Variants in SPIRE1 observed in about 807,000 individuals in gnomAD.
The protein encoded by SPIRE1 is spire type actin nucleation factor 1.
A neutral mutation model predicts 94.1 loss-of-function variants in SPIRE1; 40 were observed. That is an observed-to-expected ratio of 0.43 (90% CI 0.33 to 0.55). SPIRE1 has a LOEUF of 0.55. Ranked by LOEUF, SPIRE1 falls within the 20% of genes least tolerant of loss-of-function variation. The probability of loss-of-function intolerance (pLI) is 0.06; values close to 1 mark genes in which losing one functional copy is unlikely to be tolerated. For synonymous variants in SPIRE1, 376 were observed against 371.7 expected (o/e 1.01, Z -0.13); for missense variants, 838 against 975.2 (o/e 0.86, Z 1.87).
chr18:12,489,045 G>A (rs574483728), intron 8 of SPIRE1, among the ~76,000 whole-genome samples: 4 of 152,156 alleles, frequency 2.6e-5, no homozygotes, highest in East Asian at 1.9e-4. Flanking sequence ...AAAATTAGCC[G>A]GGCTTGGTGG....
At chr18:12,576,224 G>A (rs2036091486) in intron 2 of SPIRE1, among the ~76,000 whole-genome samples, 1 of 151,420 alleles carries the variant, frequency 6.6e-6, no homozygotes, top group Non-Finnish European at 1.5e-5. Context: ...AAAAGTATAT[G>A]GAAATGCAAA....
chr18:12,613,961 A>G (rs2037214376), intron 2 of SPIRE1, among the ~76,000 whole-genome samples: 1 of 151,280 alleles, frequency 6.6e-6, no homozygotes, highest in Non-Finnish European at 1.5e-5. Context: ...ACTGGGTTAG[A>G]TAAAATATAT....
At chr18:12,575,800 T>C (rs2036078892) in intron 2 of SPIRE1, among the ~76,000 whole-genome samples, 1 of 152,244 alleles carries the variant, frequency 6.6e-6, no homozygotes, top group South Asian at 2.1e-4. Context: ...AATTTATGGA[T>C]TGAAAGACTA....
intron 5 of SPIRE1, among the ~76,000 whole-genome samples, chr18:12,508,589 CT>C (rs1348515617): frequency 6.6e-6 from 1 of 152,008 alleles, no homozygotes; most frequent in East Asian, 1.9e-4. Context: ...AAAAGTCTCC[CT>C]TTGGGCTTTA....
chr18:12,501,725 C>T (rs772126549), intron 6 of SPIRE1, among the ~76,000 whole-genome samples: 1 of 152,142 alleles, frequency 6.6e-6, no homozygotes, highest in African/African-American at 2.4e-5. Flanking sequence ...CTTTGGAAGG[C>T]GGAGGTGAGA....
At chr18:12,620,775 C>A (rs1598543482) in intron 2 of SPIRE1, among the ~76,000 whole-genome samples, 1 of 152,060 alleles carries the variant, frequency 6.6e-6, no homozygotes. Context: ...CCAAACCCCA[C>A]AAGCAATAAA....
intron 2 of SPIRE1, among the ~76,000 whole-genome samples, chr18:12,611,900 C>T (rs1296383424): frequency 6.6e-6 from 1 of 151,838 alleles, no homozygotes; most frequent in Non-Finnish European, 1.5e-5. Context: ...TCTCAAACTC[C>T]TGAGCTCAAG....
At chr18:12,649,118 A>T (rs564344121) in intron 1 of SPIRE1, among the ~76,000 whole-genome samples, 15 of 152,222 alleles carry the variant, frequency 9.9e-5, no homozygotes, top group Admixed American at 8.5e-4. Context: ...ATTATCCCAA[A>T]ATAAAAAGTT....
intron 12 of SPIRE1, among the ~76,000 whole-genome samples, chr18:12,457,032 T>G (rs2031538121): frequency 6.6e-6 from 1 of 152,154 alleles, no homozygotes; most frequent in Non-Finnish European, 1.5e-5. Context: ...GGGTTCGCCA[T>G]GTTGGCCAGG....
At position 12,638,344 on chromosome 18, in the gene SPIRE1, T is replaced by C. The variant is rs182364213; in HGVS notation, c.338-3248A>G. ...CTGTAGTCCCAGCTACTCAGGAAGCTGAGGAAGGAGGATCACTTGAGCCCA... is the reference window on the plus strand; with the variant it reads ...CTGTAGTCCCAGCTACTCAGGAAGCCGAGGAAGGAGGATCACTTGAGCCCA... On this transcript the variant is annotated intron_variant, in intron 1 of 16. Transcript: ENST00000409402. Among the ~76,000 whole-genome samples, 67 of 152,304 alleles carry C rather than the reference T, an allele frequency of 4.4e-4. No individual in the cohort carries two copies. In the East Asian group the frequency reaches 0.011, roughly 24 times the overall value.
chr18:12,567,863 A>T (rs1290483549), intron 2 of SPIRE1, among the ~76,000 whole-genome samples: 1 of 152,216 alleles, frequency 6.6e-6, no homozygotes, highest in Non-Finnish European at 1.5e-5. Flanking sequence ...CAAATCAAGT[A>T]AGAATTTACT....
chr18:12,522,974 CT>C (rs1442856209), intron 4 of SPIRE1, among the ~76,000 whole-genome samples: 1 of 152,158 alleles, frequency 6.6e-6, no homozygotes. Flanking sequence ...TATTTAAGAA[CT>C]ACATTTTGTA....
At position 12,556,905 on chromosome 18, in the gene SPIRE1, T is replaced by G. The variant is rs1273006057; in HGVS notation, c.373-10001A>C. ...GCTTGGGCAGCCTGCTTTTATTCCC[T>G]TATCCGACCCCACCCATATCCTGCT... is the stretch of plus-strand genomic sequence containing the variant. On this transcript the variant is annotated intron_variant, in intron 2 of 16. Coordinates refer to ENST00000409402, the MANE Select transcript of SPIRE1 (RefSeq NM_001128626.2). 2.6e-5 allele frequency among the ~76,000 whole-genome samples: 4 copies of G among 152,040 alleles called. No individual in the cohort carries two copies. In the East Asian group the frequency reaches 7.8e-4, roughly 29 times the overall value.
At chr18:12,450,366 CAAA>C (rs958567395) in intron 16 of SPIRE1, 1 of 335,384 alleles carries the variant, frequency 3.0e-6, no homozygotes, top group Admixed American at 4.1e-5. Flanking sequence ...TCTCAAAAAA[CAAA>C]AAAAGAAAAG....
At chr18:12,515,032 G>A (rs1421509000) in intron 4 of SPIRE1, among the ~76,000 whole-genome samples, 1 of 152,044 alleles carries the variant, frequency 6.6e-6, no homozygotes, top group Admixed American at 6.6e-5. Flanking sequence ...AATGGAATGT[G>A]GGGTGGGGCT....
At chr18:12,549,439 G>GGTTTTTTTTTTTTTTTTTTTTTT (rs2035275774) in intron 2 of SPIRE1, among the ~76,000 whole-genome samples, 1 of 41,248 alleles carries the variant, frequency 2.4e-5, no homozygotes, top group Non-Finnish European at 3.9e-5. Flanking sequence ...TGTTATTGTT[G>GGTTTTTTTTTTTTTTTTTTTTTT]TTTTTTTTTT....
intron 2 of SPIRE1, among the ~76,000 whole-genome samples, chr18:12,610,995 C>CTCCAT (rs368447266): frequency 1.8e-5 from 2 of 113,346 alleles, no homozygotes; most frequent in African/African-American, 7.5e-5. Flanking sequence ...TTTACTTATG[C>CTCCAT]TCCACATCAT....
intron 2 of SPIRE1, among the ~76,000 whole-genome samples, chr18:12,576,197 G>A (rs369982363): frequency 6.7e-6 from 1 of 150,050 alleles, no homozygotes; most frequent in African/African-American, 2.5e-5. Flanking sequence ...AGTGAGACTC[G>A]TCTCAAAAAA....
Position 12,512,775 on chromosome 18 carries a change from C to CT in SPIRE1, c.730-245dup, listed in dbSNP as rs35531986. On this transcript the variant is annotated intron_variant, in intron 4 of 16. Coordinates refer to ENST00000409402, the MANE Select transcript of SPIRE1 (RefSeq NM_001128626.2). ...GCCCTGCCAACACAACTTTCTTTTTCTTTTTTTTTTTTTTTTTAACTTAAG... is the reference window on the plus strand; with the variant it reads ...GCCCTGCCAACACAACTTTCTTTTTCTTTTTTTTTTTTTTTTTTAACTTAAG... Among the ~76,000 whole-genome samples, 1,092 of 140,296 alleles carry CT rather than the reference C, an allele frequency of 7.8e-3. 9 individuals carry two copies. Among genetic ancestry groups the CT allele is most frequent in the African/African-American group, 0.021 (781 of 37,592 alleles). The allele number at this position is 140,296 out of a possible 152,430, so 92.0% of individuals were successfully genotyped here. A position where few individuals can be genotyped will look rare whatever the true frequency, so the allele number is the denominator to read the frequency against.
Sources: allele counts gnomAD v4.1 joint callset (sites outside exome capture counted in the v4.1 genomes callset), GRCh38; gene constraint gnomAD v4.1.1; transcripts MANE v1.5; gene names NCBI Gene and HGNC (gene_info 2026-07-23, HGNC 2026-07-21).